The following ALG1 variants were observed in gnomAD, a reference collection of about 807,000 sequenced individuals.
ALG1 encodes the protein chitobiosyldiphosphodolichol beta-mannosyltransferase.
In ALG1, 58 loss-of-function variants were observed where a neutral mutation model predicts 55.1. The ratio of observed to expected loss-of-function variants is 1.05; its 90% confidence interval spans 0.85 to 1.31. The LOEUF is 1.31. ALG1 is among the 50% of genes most tolerant of loss of function. ALG1 has a pLI of 0.00. For synonymous variants in ALG1, 309 were observed against 247.0 expected (o/e 1.25, Z -2.35); for missense variants, 761 against 598.6 (o/e 1.27, Z -2.83).
intron 5 of ALG1, 68 bp downstream of exon 5, chr16:5,077,602 T>A: frequency 6.9e-7 from 1 of 1,458,458 alleles, no homozygotes; most frequent in Non-Finnish European, 9.6e-7. Context: ...CAGTGAGAGC[T>A]GCCTTGCCTG....
rs1957187624 is a variant in ALG1 at position 5,086,717 on chromosome 16, C to G, written c.*1836C>G. On this transcript the variant is annotated 3_prime_UTR_variant, in exon 13 of 13. Transcript: ENST00000262374. ...ACGAAGTTTTACTCTGTTCCCCAGG[C>G]TGGAGTGCAGTGGCACAATCTCAGC... 1.3e-5 allele frequency: 2 copies of G among 152,228 alleles called. No individual in the cohort carries two copies. The highest frequency in any genetic ancestry group is 2.1e-4 in the South Asian group (1 of 4,832). 9.4% of individuals were successfully genotyped at this position (152,228 alleles called of 1,614,324 possible). A position where few individuals can be genotyped will look rare whatever the true frequency, so the allele number is the denominator to read the frequency against.
At position 5,085,326 on chromosome 16, in the gene ALG1, TG is replaced by T. The variant is rs1160650359; in HGVS notation, c.*450del. On this transcript the variant is annotated 3_prime_UTR_variant, in exon 13 of 13. Transcript: ENST00000262374. ...TGTGAGGAACTGAGTGTGTCCACGT[TG>T]GGGGAACATCATACTTGATACACAC... The T allele has an allele frequency of 8.1e-6, 4 of 494,022 alleles. No individual in the cohort carries two copies. Among genetic ancestry groups the T allele is most frequent in the Admixed American group, 3.3e-5 (1 of 29,974 alleles). 30.6% of individuals were successfully genotyped at this position (494,022 alleles called of 1,614,324 possible).
Position 5,084,800 on chromosome 16 carries a change from G to C in ALG1, c.1314G>C (p.Arg438=). 6.3e-7 allele frequency: 1 copy of C among 1,596,482 alleles called. No individual in the cohort carries two copies. Among genetic ancestry groups the C allele is most frequent in the Admixed American group, 1.7e-5 (1 of 60,016 alleles). The change falls in exon 13 of 13, where the codon CGG becomes CGC. Residue 438 remains arginine, a synonymous_variant. Transcript: ENST00000262374. ...PDPAGKLNQF[R]KNLRESQQLR... Reference sequence around the variant, plus strand: ...CTGCGGGCAAGCTAAACCAGTTCCGGAAGAACCTGCGGGAGTCGCAGCAGC... The same window carrying C: ...CTGCGGGCAAGCTAAACCAGTTCCGCAAGAACCTGCGGGAGTCGCAGCAGC...
At chr16:5,072,175 C>G in intron 1 of ALG1, 118 bp downstream of exon 1, 5 of 1,495,144 alleles carry the variant, frequency 3.3e-6, no homozygotes, top group Admixed American at 2.2e-5. Context: ...GGGCAGCTCT[C>G]CGAGATTAGA....
At chr16:5,084,604 G>A (rs879083736) in intron 12 of ALG1, 146 bp from the exon 13 acceptor site, 297 of 1,250,496 alleles carry the variant, frequency 2.4e-4, no homozygotes, top group Non-Finnish European at 2.9e-4. Context: ...TGCTGCTGGG[G>A]TGTGAAGGGT....
chr16:5,079,884 C>G (rs765066683), intron 9 of ALG1, 77 bp downstream of exon 9: 7 of 1,526,610 alleles, frequency 4.6e-6, no homozygotes, highest in South Asian at 2.2e-5. Context: ...TTACCCTGTG[C>G]TTCCCATGAT....
In ALG1 at chr16:5,085,058, C is replaced by G. The variant is rs1444768260; in HGVS notation, c.*177C>G. On this transcript the variant is annotated 3_prime_UTR_variant, in exon 13 of 13. Coordinates refer to ENST00000262374, the MANE Select transcript of ALG1 (RefSeq NM_019109.5). ...TGTGACCCGGGAAGCTTTGGTTGGC[C>G]TTGATTTCTTCTCTGGAGGCTTGGA... 8.4e-7 allele frequency: 1 copy of G among 1,184,698 alleles called. No homozygotes were observed. The highest frequency in any genetic ancestry group is 2.5e-5 in the East Asian group (1 of 39,628). 73.4% of individuals were successfully genotyped at this position (1,184,698 alleles called of 1,614,324 possible). A position where few individuals can be genotyped will look rare whatever the true frequency, so the allele number is the denominator to read the frequency against.
chr16:5,077,390 T>C, intron 4 of ALG1, 55 bp from the exon 5 acceptor site: 1 of 1,438,680 alleles, frequency 7.0e-7, no homozygotes, highest in Non-Finnish European at 9.8e-7. Flanking sequence ...AGTCACGCTG[T>C]GGTGGTAGCG....
intron 1 of ALG1, 146 bp from the exon 2 acceptor site, chr16:5,072,805 C>A (rs1956840225): frequency 1.2e-6 from 1 of 838,590 alleles, no homozygotes. Flanking sequence ...TGGCCGCATT[C>A]TCTGTTCTGG....
chr16:5,082,210 G>A (rs1293521982), intron 10 of ALG1, among the ~76,000 whole-genome samples: 1 of 152,206 alleles, frequency 6.6e-6, no homozygotes, highest in Non-Finnish European at 1.5e-5. Flanking sequence ...CTCCCAAAAT[G>A]CTGGGATTAC....
At chr16:5,075,932 G>T (rs1272725116) in intron 4 of ALG1, among the ~76,000 whole-genome samples, 2 of 152,218 alleles carry the variant, frequency 1.3e-5, no homozygotes, top group Admixed American at 6.5e-5. Context: ...TGATCTGCCT[G>T]TTGAGGCCAG....
intron 8 of ALG1, 109 bp from the exon 9 acceptor site, chr16:5,079,639 A>T: frequency 7.8e-7 from 1 of 1,285,074 alleles, no homozygotes. Context: ...CAGTGAGCTG[A>T]GATCGCGCCA....
chr16:5,081,135 T>C (rs1313658071), intron 10 of ALG1, 79 bp downstream of exon 10: 31 of 1,413,224 alleles, frequency 2.2e-5, no homozygotes, highest in African/African-American at 2.8e-5. Context: ...AAAAGGTGGC[T>C]CTGGAGGCCA....
chr16:5,084,878 A>G lies in ALG1; in HGVS notation c.1392A>G (p.Thr464=), dbSNP rs1957097874. Residue 464 remains threonine (T), a synonymous_variant, in exon 13 of 13, where the codon ACA becomes ACG. Transcript: ENST00000262374. ...VQTVLPLVMD[T] Reference sequence around the variant, plus strand: ...CTGTGCTCCCTTTGGTTATGGACACATAACTCCTGGGCCAGAGGCTAAAAC... The same window carrying G: ...CTGTGCTCCCTTTGGTTATGGACACGTAACTCCTGGGCCAGAGGCTAAAAC... 4.8e-5 allele frequency: 76 copies of G among 1,593,244 alleles called. No individual in the cohort carries two copies. The highest frequency in any genetic ancestry group is 6.3e-5 in the Non-Finnish European group (74 of 1,178,506).
chr16:5,084,555 G>C, intron 12 of ALG1, 195 bp from the exon 13 acceptor site: 1 of 879,498 alleles, frequency 1.1e-6, no homozygotes, highest in Non-Finnish European at 1.8e-6. Flanking sequence ...GACATGCGGG[G>C]AAGTTTCCAG....
Position 5,072,059 on chromosome 16 carries a change from T to G in ALG1, c.208+2T>G. The G allele has an allele frequency of 6.5e-7, 1 of 1,550,186 alleles. No individual in the cohort carries two copies. The highest frequency in any genetic ancestry group is 8.7e-7 in the Non-Finnish European group (1 of 1,149,778). ...CGGTGACCCTCCTGGGGTTCTGCAG[T>G]GAGTGGCCAAGGGTCTGGGAGGGAC... is the stretch of plus-strand genomic sequence containing the variant. On this transcript the variant is annotated splice_donor_variant, in intron 1 of 12. Transcript: ENST00000262374. LOFTEE classifies it high-confidence loss of function.
At position 5,072,004 on chromosome 16, in the gene ALG1, A is replaced by G; in HGVS notation, c.155A>G (p.His52Arg). The change falls in exon 1 of 13, where the codon CAC becomes CGC. Residue 52 changes from histidine (H) to arginine (R), a missense_variant. His to Arg is a conservative substitution (Grantham distance 29). Coordinates refer to ENST00000262374, the MANE Select transcript of ALG1 (RefSeq NM_019109.5). ...GGCCGCAGCCCCCGTATGCAGTACC[A>G]CGCGCTGTCGTTGGCCATGCACGGC... is the stretch of plus-strand genomic sequence containing the variant. Reference protein sequence around the residue: ...DVGRSPRMQYHALSLAMHGFS... With the variant: ...DVGRSPRMQYRALSLAMHGFS... 1.3e-6 allele frequency: 2 copies of G among 1,597,086 alleles called. No homozygotes were observed. Among genetic ancestry groups the G allele is most frequent in the Non-Finnish European group, 1.7e-6 (2 of 1,172,020 alleles).
chr16:5,079,652 G>C lies in ALG1; in HGVS notation c.902-96G>C, dbSNP rs1422723823. On this transcript the variant is annotated intron_variant, in intron 8 of 12. Coordinates refer to ENST00000262374, the MANE Select transcript of ALG1 (RefSeq NM_019109.5). ...TGCAGTGAGCTGAGATCGCGCCATT[G>C]CATTCCAGCCTGGGTGACAGAGTGA... 3.5e-6 allele frequency: 5 copies of C among 1,415,420 alleles called. No homozygotes were observed. In the African/African-American group the frequency reaches 7.1e-5, roughly 20 times the overall value. 87.7% of individuals were successfully genotyped at this position (1,415,420 alleles called of 1,614,324 possible).
At chr16:5,074,615 G>T (rs1252217899) in intron 3 of ALG1, among the ~76,000 whole-genome samples, 1 of 152,194 alleles carries the variant, frequency 6.6e-6, no homozygotes, top group Non-Finnish European at 1.5e-5. Flanking sequence ...TATAAGTCCA[G>T]TTTCTTTCTT....
Sources: gnomAD v4.1 joint callset for allele counts (sites outside exome capture counted in the v4.1 genomes callset) on GRCh38, gnomAD v4.1.1 for gene constraint, MANE v1.5 for transcripts, NCBI Gene and HGNC (gene_info 2026-07-23, HGNC 2026-07-21) for gene names.